The following ELFN1 variants were observed in gnomAD, a reference collection of about 807,000 sequenced individuals.
The protein encoded by ELFN1 is extracellular leucine rich repeat and fibronectin type III domain containing 1.
In ELFN1, 6 loss-of-function variants were observed where a neutral mutation model predicts 7.6. That is an observed-to-expected ratio of 0.79 (90% CI 0.43 to 1.56). The LOEUF is 1.56. ELFN1 is among the 40% of genes most tolerant of loss of function. ELFN1 has a pLI of 0.01. For missense variants in ELFN1, 1,169 were observed against 1,232.2 expected (o/e 0.95, Z 0.77); for synonymous variants, 657 against 588.1 (o/e 1.12, Z -1.70).
chr7:1,673,279 C>T lies in ELFN1; in HGVS notation c.-549+2925C>T, dbSNP rs985314760. On this transcript the variant is annotated intron_variant, in intron 1 of 3. Coordinates refer to ENST00000424383, the MANE Select transcript of ELFN1 (RefSeq NM_001128636.4). The surrounding 1 kb of genome is among the most constrained non-coding windows in gnomAD (Gnocchi z 4.7). Reference sequence around the variant, plus strand: ...ACTGAGGCCCGGATTGGGGTGGGGCCGGAGAGGGTGGTGGAGGGGTCCTAT... The same window carrying T: ...ACTGAGGCCCGGATTGGGGTGGGGCTGGAGAGGGTGGTGGAGGGGTCCTAT... Among the ~76,000 whole-genome samples the T allele has an allele frequency of 5.5e-4, 84 of 152,168 alleles. No homozygotes were observed. The highest frequency in any genetic ancestry group is 1.7e-3 in the African/African-American group (70 of 41,522).
Position 1,746,774 on chromosome 7 carries a change from G to A in ELFN1, c.2178G>A (p.Pro726=), listed in dbSNP as rs758625517. 1.7e-5 allele frequency: 26 copies of A among 1,516,228 alleles called. No homozygotes were observed. The Middle Eastern group carries it at 6.8e-4, about 40-fold the overall frequency. The allele number at this position is 1,516,228 out of a possible 1,614,324, so 93.9% of individuals were successfully genotyped here. A position where few individuals can be genotyped will look rare whatever the true frequency, so the allele number is the denominator to read the frequency against. Residue 726 remains proline (P), a synonymous_variant, in exon 4 of 4, where the codon CCG becomes CCA. Transcript: ENST00000424383. The part of the protein sequence containing the change: ...PAPPGPPPPP[P]HEGLGRKASI... ...CCCCCGGGCCACCGCCGCCGCCTCC[G>A]CACGAGGGCCTGGGGCGCAAGGCGT...
intron 1 of ELFN1, among the ~76,000 whole-genome samples, chr7:1,671,104 AACCTGCAGGTC>A (rs1420805331): frequency 6.6e-6 from 1 of 151,232 alleles, no homozygotes; most frequent in East Asian, 2.0e-4. Context: ...CATCCTTTGA[AACCTGCAGGTC>A]ACCTGCTTGA....
Position 1,694,762 on chromosome 7 carries a change from G to A in ELFN1, c.-456+6612G>A, listed in dbSNP as rs549769170. The stretch of plus-strand genomic sequence containing the variant: ...TGCCTGGCCCGCACAGCGGTCCTTT[G>A]CCAAACTTAGACTGACTCTGAGGGC... On this transcript the variant is annotated intron_variant, in intron 2 of 3. Transcript: ENST00000424383. Among the ~76,000 whole-genome samples the A allele has an allele frequency of 3.9e-5, 6 of 152,332 alleles. 1 individual carries two copies. In the South Asian group the frequency reaches 1.0e-3, roughly 26 times the overall value.
chr7:1,722,308 C>T (rs1420876824), intron 3 of ELFN1, among the ~76,000 whole-genome samples: 1 of 150,376 alleles, frequency 6.6e-6, no homozygotes, highest in African/African-American at 2.5e-5. Flanking sequence ...ACTCTGTCAC[C>T]CAGGCTGGGG....
intron 3 of ELFN1, among the ~76,000 whole-genome samples, chr7:1,743,514 C>T (rs184413637): frequency 2.0e-5 from 3 of 152,264 alleles, no homozygotes; most frequent in African/African-American, 7.2e-5. Context: ...GCCGGGTAGA[C>T]GCCCTCAGAG....
rs1778797113 is a variant in ELFN1 at position 1,673,031 on chromosome 7, G to A, written c.-549+2677G>A. ...GCCATAAATTTCCAGGCGTGAACCTGGAGCGGATGGTGGCACCGCCGCGGA... is the reference window on the plus strand; with the variant it reads ...GCCATAAATTTCCAGGCGTGAACCTAGAGCGGATGGTGGCACCGCCGCGGA... On this transcript the variant is annotated intron_variant, in intron 1 of 3. Coordinates refer to ENST00000424383, the MANE Select transcript of ELFN1 (RefSeq NM_001128636.4). The surrounding 1 kb of genome is among the most constrained non-coding windows in gnomAD (Gnocchi z 4.7). 6.6e-6 allele frequency among the ~76,000 whole-genome samples: 1 copy of A among 152,110 alleles called. No individual in the cohort carries two copies. The highest frequency in any genetic ancestry group is 6.5e-5 in the Admixed American group (1 of 15,274).
Position 1,673,195 on chromosome 7 carries a change from G to A in ELFN1, c.-549+2841G>A, listed in dbSNP as rs1361345679. Among the ~76,000 whole-genome samples the A allele has an allele frequency of 6.6e-6, 1 of 152,036 alleles. No individual in the cohort carries two copies. Among genetic ancestry groups the A allele is most frequent in the Non-Finnish European group, 1.5e-5 (1 of 68,018 alleles). On this transcript the variant is annotated intron_variant, in intron 1 of 3. Transcript: ENST00000424383. This position sits in a 1 kb window ranked among gnomAD's most constrained non-coding sequence, Gnocchi z 4.7. ...GTGTTTGTGGGGGTGGCTGGTGGTG[G>A]AGCCACTGCAGTGGACGATGGCGCC... is the stretch of plus-strand genomic sequence containing the variant.
chr7:1,671,403 T>G (rs12113798), intron 1 of ELFN1, among the ~76,000 whole-genome samples: 45,477 of 152,244 alleles, frequency 0.3, 6,906 homozygotes, highest in Admixed American at 0.31. Context: ...TTTCCCTTCC[T>G]GCACACCCGG....
chr7:1,747,203 A>G lies in ELFN1; in HGVS notation c.*120A>G. 2 of 1,203,342 alleles carry G rather than the reference A, an allele frequency of 1.7e-6. No individual in the cohort carries two copies. Among genetic ancestry groups the G allele is most frequent in the Middle Eastern group, 2.6e-4 (1 of 3,824 alleles). The allele number at this position is 1,203,342 out of a possible 1,614,324, so 74.5% of individuals were successfully genotyped here. On this transcript the variant is annotated 3_prime_UTR_variant, in exon 4 of 4. Transcript: ENST00000424383. The stretch of plus-strand genomic sequence containing the variant: ...CAACTGTGACAGCGGGGGGCCCTGC[A>G]GAGGCGAGGGGGGAGCGAGTGGGGA...
At chr7:1,688,221 A>C (rs192775746) in intron 2 of ELFN1, 71 bp downstream of exon 2, 1 of 152,006 alleles carries the variant, frequency 6.6e-6, no homozygotes, top group East Asian at 1.9e-4. Flanking sequence ...GGAATTCTTT[A>C]TATATCTAGT....
chr7:1,672,616 A>G (rs1406960005), intron 1 of ELFN1, among the ~76,000 whole-genome samples: 2 of 152,180 alleles, frequency 1.3e-5, no homozygotes, highest in East Asian at 3.8e-4. Context: ...GACTTTCTCT[A>G]TCTGTTTCCA....
Position 1,744,288 on chromosome 7 carries a change from CTCTCTTGTCTTG to C in ELFN1, c.-293-15_-293-4del. Reference sequence around the variant, plus strand: ...TCTCTTGTCCCCTGACCGCTGTCTTCTCTCTTGTCTTGCAGCAGGAACGTCGGAGCAGGAGGA... The same window carrying C: ...TCTCTTGTCCCCTGACCGCTGTCTTCCAGCAGGAACGTCGGAGCAGGAGGA... On this transcript the variant is annotated splice_region_variant and splice_polypyrimidine_tract_variant and intron_variant, in intron 3 of 3. Transcript: ENST00000424383. 1 of 316,398 alleles carries C rather than the reference CTCTCTTGTCTTG, an allele frequency of 3.2e-6. No homozygotes were observed. Among genetic ancestry groups the C allele is most frequent in the Non-Finnish European group, 5.5e-6 (1 of 180,514 alleles). The allele number at this position is 316,398 out of a possible 1,614,324, so 19.6% of individuals were successfully genotyped here. A position where few individuals can be genotyped will look rare whatever the true frequency, so the allele number is the denominator to read the frequency against.
intron 2 of ELFN1, among the ~76,000 whole-genome samples, chr7:1,703,445 T>C (rs1346783331): frequency 6.6e-6 from 1 of 152,262 alleles, no homozygotes; most frequent in Non-Finnish European, 1.5e-5. Context: ...TTGGAAAGCC[T>C]GTTTCCCTCC....
chr7:1,696,047 T>C (rs1779300445), intron 2 of ELFN1, among the ~76,000 whole-genome samples: 1 of 152,170 alleles, frequency 6.6e-6, no homozygotes, highest in Admixed American at 6.5e-5. Flanking sequence ...CAGCACACAT[T>C]GTCTCCCCGC....
In ELFN1 at chr7:1,702,420, C is replaced by CG. The variant is rs201247307; in HGVS notation, c.-455-6664dup. On this transcript the variant is annotated intron_variant, in intron 2 of 3. Transcript: ENST00000424383. ...CCTGGGCGACAGAACGAGACTCCGTCGGGGGGGAAAAAAAAAAAGAAGAAG... is the reference window on the plus strand; with the variant it reads ...CCTGGGCGACAGAACGAGACTCCGTCGGGGGGGGAAAAAAAAAAAGAAGAAG... 5.6e-4 allele frequency among the ~76,000 whole-genome samples: 82 copies of CG among 146,426 alleles called. 1 individual carries two copies. Among genetic ancestry groups the CG allele is most frequent in the South Asian group, 1.7e-3 (8 of 4,734 alleles).
At chr7:1,679,937 G>A (rs1778943865) in intron 1 of ELFN1, among the ~76,000 whole-genome samples, 1 of 152,264 alleles carries the variant, frequency 6.6e-6, no homozygotes, top group South Asian at 2.1e-4. Context: ...GAGAGGGCAG[G>A]GACAGAGATG....
At chr7:1,720,297 C>T (rs942940786) in intron 3 of ELFN1, among the ~76,000 whole-genome samples, 1 of 152,188 alleles carries the variant, frequency 6.6e-6, no homozygotes, top group Non-Finnish European at 1.5e-5. Flanking sequence ...AGCCGGTGGG[C>T]AGACGTCTCC....
At chr7:1,706,594 G>A (rs909413502) in intron 2 of ELFN1, among the ~76,000 whole-genome samples, 3 of 152,236 alleles carry the variant, frequency 2.0e-5, no homozygotes, top group African/African-American at 7.2e-5. Context: ...AGCAGCTGCT[G>A]TGTGTTAGAT....
chr7:1,723,581 G>T (rs1215652417), intron 3 of ELFN1, among the ~76,000 whole-genome samples: 1 of 152,222 alleles, frequency 6.6e-6, no homozygotes, highest in East Asian at 1.9e-4. Context: ...TCTGGTGTCT[G>T]CCCTGTCACC....
Sources: allele counts gnomAD v4.1 joint callset (sites outside exome capture counted in the v4.1 genomes callset), GRCh38; gene constraint gnomAD v4.1.1; non-coding constraint Gnocchi (gnomAD v3.1); transcripts MANE v1.5; gene names NCBI Gene and HGNC (gene_info 2026-07-23, HGNC 2026-07-21).